Variants in ZCWPW2 observed in about 807,000 individuals in gnomAD.
The protein encoded by ZCWPW2 is zinc finger CW-type PWWP domain protein 2.
Under a neutral mutation model 46.6 loss-of-function variants are expected in ZCWPW2, and 45 were observed. The observed-to-expected ratio is 0.96, with a 90% CI of 0.76 to 1.24. ZCWPW2 has a LOEUF of 1.24. ZCWPW2 is among the 50% of genes most tolerant of loss of function. The probability of loss-of-function intolerance (pLI) is 0.00; values close to 1 mark genes in which losing one functional copy is unlikely to be tolerated. For synonymous variants in ZCWPW2, 152 were observed against 137.1 expected, an observed-to-expected ratio of 1.11 and a Z score of -0.76; for missense variants, 429 against 403.9, an observed-to-expected ratio of 1.06 and a Z score of -0.53.
intron 3 of ZCWPW2, among the ~76,000 whole-genome samples, chr3:28,427,331 C>G (rs973300280): frequency 2.0e-5 from 3 of 152,194 alleles, no homozygotes; most frequent in South Asian, 2.1e-4. Context: ...TCAAACACCT[C>G]AAGTCTGAAA....
At chr3:28,365,122 C>G (rs1378502495) in intron 1 of ZCWPW2, among the ~76,000 whole-genome samples, 28 of 151,216 alleles carry the variant, frequency 1.9e-4, no homozygotes, top group African/African-American at 6.3e-4. Context: ...ATGGTAGTTT[C>G]TTTTGCTGTG....
At chr3:28,489,863 G>A (rs1699747189) in intron 5 of ZCWPW2, among the ~76,000 whole-genome samples, 1 of 152,026 alleles carries the variant, frequency 6.6e-6, no homozygotes, top group Non-Finnish European at 1.5e-5. Flanking sequence ...TTAAATGAAA[G>A]AGCTTTTGTA....
chr3:28,401,137 C>T (rs1271514772), intron 2 of ZCWPW2, among the ~76,000 whole-genome samples: 6 of 151,816 alleles, frequency 4.0e-5, no homozygotes, highest in Admixed American at 2.0e-4. Context: ...TGAGATTGCA[C>T]CCCTGCACTC....
intron 3 of ZCWPW2, among the ~76,000 whole-genome samples, chr3:28,417,328 C>G (rs996382312): frequency 6.6e-6 from 1 of 152,084 alleles, no homozygotes; most frequent in African/African-American, 2.4e-5. Context: ...GAAGTTGAAT[C>G]TCTGAATAGA....
intron 2 of ZCWPW2, among the ~76,000 whole-genome samples, chr3:28,400,981 C>T (rs1465856228): frequency 6.6e-6 from 1 of 152,104 alleles, no homozygotes; most frequent in African/African-American, 2.4e-5. Context: ...AGATCAAGAC[C>T]ATCCTGGCTA....
At chr3:28,360,997 A>G (rs1704921095) in intron 1 of ZCWPW2, among the ~76,000 whole-genome samples, 1 of 152,232 alleles carries the variant, frequency 6.6e-6, no homozygotes, top group Non-Finnish European at 1.5e-5. Flanking sequence ...TTTAGGCTAT[A>G]TGTATTAGGT....
chr3:28,466,329 A>G lies in ZCWPW2; in HGVS notation c.493-12485A>G, dbSNP rs376043036. 3.0e-4 allele frequency among the ~76,000 whole-genome samples: 45 copies of G among 152,282 alleles called. No individual in the cohort carries two copies. The East Asian group carries it at 5.8e-3, about 20-fold the overall frequency. On this transcript the variant is annotated intron_variant, in intron 4 of 9. Transcript: ENST00000383768. ...ATGGACCTGAACATGTGCCCCCTGA[A>G]CCCAAAATAAAAGTTGGAAGGAAAA...
chr3:28,394,743 T>C (rs528324325), intron 2 of ZCWPW2, among the ~76,000 whole-genome samples: 9 of 152,206 alleles, frequency 5.9e-5, no homozygotes, highest in African/African-American at 1.7e-4. Context: ...TCTTACATCA[T>C]ACACAAAAAT....
intron 1 of ZCWPW2, among the ~76,000 whole-genome samples, chr3:28,374,765 T>C (rs984043552): frequency 2.0e-5 from 3 of 152,148 alleles, no homozygotes; most frequent in Non-Finnish European, 4.4e-5. Flanking sequence ...TCTTGAGTTC[T>C]TTTTCAGATT....
chr3:28,388,430 A>G (rs1695360940), intron 1 of ZCWPW2, among the ~76,000 whole-genome samples: 3 of 152,202 alleles, frequency 2.0e-5, no homozygotes, highest in Non-Finnish European at 2.9e-5. Flanking sequence ...TGATACAACT[A>G]TGTTGCATAC....
At chr3:28,452,260 C>A (rs2125780783) in intron 4 of ZCWPW2, among the ~76,000 whole-genome samples, 1 of 152,120 alleles carries the variant, frequency 6.6e-6, no homozygotes, top group East Asian at 1.9e-4. Flanking sequence ...TTTTCAAATC[C>A]CAGATACCTC....
intron 2 of ZCWPW2, among the ~76,000 whole-genome samples, chr3:28,409,222 C>T (rs1044447546): frequency 2.0e-5 from 3 of 147,536 alleles, no homozygotes; most frequent in Admixed American, 7.0e-5. Context: ...CTGGTTCAAG[C>T]GATTCTCCTG....
At chr3:28,385,235 CA>C (rs1277180935) in intron 1 of ZCWPW2, among the ~76,000 whole-genome samples, 8 of 152,114 alleles carry the variant, frequency 5.3e-5, no homozygotes, top group African/African-American at 9.7e-5. Flanking sequence ...CTCAAAGGGA[CA>C]GGGGTCAATA....
At chr3:28,494,291 G>A (rs1306526499) in intron 6 of ZCWPW2, among the ~76,000 whole-genome samples, 5 of 82,946 alleles carry the variant, frequency 6.0e-5, no homozygotes, top group Admixed American at 2.8e-4. Context: ...TAGGTCTAAC[G>A]TTTAAATCTT....
At chr3:28,513,392 T>C (rs1700479757) in intron 6 of ZCWPW2, among the ~76,000 whole-genome samples, 1 of 152,160 alleles carries the variant, frequency 6.6e-6, no homozygotes, top group African/African-American at 2.4e-5. Context: ...ACCTAGTGTT[T>C]TCATTCTTTT....
intron 2 of ZCWPW2, among the ~76,000 whole-genome samples, chr3:28,406,636 A>G (rs551471449): frequency 6.6e-5 from 10 of 150,878 alleles, no homozygotes; most frequent in East Asian, 3.9e-4. Flanking sequence ...TAAACAGACA[A>G]TGACTCCTCT....
intron 1 of ZCWPW2, among the ~76,000 whole-genome samples, chr3:28,352,302 A>G (rs1704583502): frequency 6.6e-6 from 1 of 152,162 alleles, no homozygotes; most frequent in African/African-American, 2.4e-5. Context: ...AGAGGAACAT[A>G]AAGGCTTTCC....
intron 3 of ZCWPW2, among the ~76,000 whole-genome samples, chr3:28,417,803 C>A (rs542094222): frequency 1.9e-5 from 1 of 51,824 alleles, no homozygotes; most frequent in South Asian, 7.6e-4. Context: ...AGGCCTTTGA[C>A]AAAATTCAAG....
intron 1 of ZCWPW2, among the ~76,000 whole-genome samples, chr3:28,383,917 G>A (rs1695185266): frequency 6.6e-6 from 1 of 152,072 alleles, no homozygotes; most frequent in African/African-American, 2.4e-5. Context: ...TGGGTACCCT[G>A]TAATTTTATA....
Sources: gnomAD v4.1 joint callset for allele counts (sites outside exome capture counted in the v4.1 genomes callset) on GRCh38, gnomAD v4.1.1 for gene constraint, MANE v1.5 for transcripts, NCBI Gene and HGNC (gene_info 2026-07-23, HGNC 2026-07-21) for gene names.